The following FAM114A2 variants were observed in gnomAD, a reference collection of about 807,000 sequenced individuals.
FAM114A2 encodes the protein family with sequence similarity 114 member A2.
Under a neutral mutation model 58.4 loss-of-function variants are expected in FAM114A2, and 53 were observed. That is an observed-to-expected ratio of 0.91 (90% CI 0.73 to 1.14). FAM114A2 has a LOEUF of 1.14. FAM114A2 is among the 50% of genes most tolerant of loss of function. The probability of loss-of-function intolerance (pLI) is 0.00; values close to 1 mark genes in which losing one functional copy is unlikely to be tolerated. For synonymous variants in FAM114A2, 228 were observed against 211.4 expected, an observed-to-expected ratio of 1.08 and a Z score of -0.68; for missense variants, 601 against 581.1, an observed-to-expected ratio of 1.03 and a Z score of -0.35.
chr5:154,030,396 C>CTGGT (rs1394489237), intron 4 of FAM114A2, among the ~76,000 whole-genome samples: 1 of 152,126 alleles, frequency 6.6e-6, no homozygotes, highest in Non-Finnish European at 1.5e-5. Flanking sequence ...GATGGATTAA[C>CTGGT]TGGTATTAGA....
At position 153,991,502 on chromosome 5, in the gene FAM114A2, A is replaced by C. The variant is rs1443480772; in HGVS notation, c.*1474T>G. On this transcript the variant is annotated 3_prime_UTR_variant, in exon 14 of 14. Coordinates refer to ENST00000351797, the MANE Select transcript of FAM114A2 (RefSeq NM_018691.4). ...GCTGGAAAGGGTGAAATTTGTCTTTAAAAAGGAATATTCAAAAACTTTCTG... is the reference window on the plus strand; with the variant it reads ...GCTGGAAAGGGTGAAATTTGTCTTTCAAAAGGAATATTCAAAAACTTTCTG... 1 of 152,202 alleles carries C rather than the reference A, an allele frequency of 6.6e-6. No homozygotes were observed. Among genetic ancestry groups the C allele is most frequent in the Non-Finnish European group, 1.5e-5 (1 of 68,032 alleles). 9.4% of individuals were successfully genotyped at this position (152,202 alleles called of 1,614,324 possible). A position where few individuals can be genotyped will look rare whatever the true frequency, so the allele number is the denominator to read the frequency against.
At chr5:153,995,176 C>T (rs1769476839) in intron 12 of FAM114A2, 2 of 512,470 alleles carry the variant, frequency 3.9e-6, no homozygotes, top group African/African-American at 1.9e-5. Flanking sequence ...TCTGTGCTAT[C>T]CATATTGACA....
chr5:154,003,569 T>C (rs1194136544), intron 9 of FAM114A2, among the ~76,000 whole-genome samples: 1 of 152,170 alleles, frequency 6.6e-6, no homozygotes, highest in South Asian at 2.1e-4. Flanking sequence ...TATGTGTATA[T>C]GCCTACGAAA....
At chr5:154,012,794 T>C (rs2113332262) in intron 8 of FAM114A2, among the ~76,000 whole-genome samples, 1 of 152,310 alleles carries the variant, frequency 6.6e-6, no homozygotes, top group East Asian at 1.9e-4. Flanking sequence ...TTTTCTCAAG[T>C]AATTTATAAT....
At chr5:154,003,302 C>A (rs1385115275) in intron 9 of FAM114A2, among the ~76,000 whole-genome samples, 1 of 151,878 alleles carries the variant, frequency 6.6e-6, no homozygotes, top group African/African-American at 2.4e-5. Context: ...CCTTAGCCTC[C>A]CGAGTAGCTG....
intron 8 of FAM114A2, among the ~76,000 whole-genome samples, chr5:154,016,924 G>T (rs1561559082): frequency 6.6e-6 from 1 of 152,144 alleles, no homozygotes. Context: ...TAAGGTAAAG[G>T]GGTGGAAAAA....
chr5:154,009,176 G>C (rs1332034521), intron 9 of FAM114A2, among the ~76,000 whole-genome samples: 1 of 152,164 alleles, frequency 6.6e-6, no homozygotes, highest in African/African-American at 2.4e-5. Context: ...TCAAAGAAAT[G>C]TCTGGTTGCA....
At chr5:154,037,949 T>A (rs1322780036) in intron 1 of FAM114A2, among the ~76,000 whole-genome samples, 1 of 152,186 alleles carries the variant, frequency 6.6e-6, no homozygotes, top group Non-Finnish European at 1.5e-5. Flanking sequence ...TTTTTTATGG[T>A]GATGGTTGTT....
intron 8 of FAM114A2, among the ~76,000 whole-genome samples, chr5:154,019,291 G>T (rs1771245888): frequency 6.6e-6 from 1 of 151,882 alleles, no homozygotes; most frequent in Non-Finnish European, 1.5e-5. Flanking sequence ...TTTTACAATA[G>T]CTGCAAAAAA....
At position 154,029,476 on chromosome 5, in the gene FAM114A2, C is replaced by G; in HGVS notation, c.495+13G>C. 1 of 1,503,482 alleles carries G rather than the reference C, an allele frequency of 6.7e-7. No individual in the cohort carries two copies. The highest frequency in any genetic ancestry group is 9.3e-7 in the Non-Finnish European group (1 of 1,080,838). The allele number at this position is 1,503,482 out of a possible 1,614,324, so 93.1% of individuals were successfully genotyped here. ...ATGGAAAGGAACAGACCACCTTGCA[C>G]TTTTTTACTTACTGTGCTCTGAACA... On this transcript the variant is annotated intron_variant, in intron 5 of 13. Coordinates refer to ENST00000351797, the MANE Select transcript of FAM114A2 (RefSeq NM_018691.4).
chr5:154,038,170 G>A (rs1175685522), intron 1 of FAM114A2: 1 of 152,174 alleles, frequency 6.6e-6, no homozygotes, highest in East Asian at 1.9e-4. Context: ...CTCAGTTGGA[G>A]GAGAAAGATT....
chr5:154,033,896 A>G lies in FAM114A2; in HGVS notation c.311-13T>C, dbSNP rs766674569. 2.6e-6 allele frequency: 4 copies of G among 1,562,572 alleles called. No homozygotes were observed. Among genetic ancestry groups the G allele is most frequent in the South Asian group, 1.2e-5 (1 of 85,786 alleles). ...GAAATGCCTTGTCCTAATGAGAAAA[A>G]TAACTTTTTTTTTTGCTATTTGTCA... On this transcript the variant is annotated splice_polypyrimidine_tract_variant and intron_variant, in intron 3 of 13. Transcript: ENST00000351797.
chr5:154,011,944 A>G (rs1290639981), intron 8 of FAM114A2, among the ~76,000 whole-genome samples: 1 of 152,210 alleles, frequency 6.6e-6, no homozygotes, highest in Non-Finnish European at 1.5e-5. Flanking sequence ...AAGGCCATAT[A>G]ATCGATGGTG....
chr5:153,996,600 A>T (rs565087448), intron 12 of FAM114A2, among the ~76,000 whole-genome samples: 1 of 152,172 alleles, frequency 6.6e-6, no homozygotes. Context: ...CCTACAAGTA[A>T]TAATAAAAAC....
chr5:153,998,116 A>G lies in FAM114A2; in HGVS notation c.1257-241T>C, dbSNP rs78302324. Among the ~76,000 whole-genome samples, 977 of 152,310 alleles carry G rather than the reference A, an allele frequency of 6.4e-3. 36 individuals are homozygous for G. The East Asian group carries it at 0.12, about 18-fold the overall frequency. On this transcript the variant is annotated intron_variant, in intron 11 of 13. Coordinates refer to ENST00000351797, the MANE Select transcript of FAM114A2 (RefSeq NM_018691.4). ...AAAAAATTCCAGAAATAAATAATTC[A>G]TAAGTTTTTAATTGCACATCATCTT... is the stretch of plus-strand genomic sequence containing the variant.
At chr5:154,030,614 T>C (rs998131901) in intron 4 of FAM114A2, among the ~76,000 whole-genome samples, 2 of 152,148 alleles carry the variant, frequency 1.3e-5, no homozygotes, top group South Asian at 2.1e-4. Context: ...GGCAATCAGT[T>C]TGAGTGGAAG....
In FAM114A2 at chr5:154,011,888, G is replaced by A. The variant is rs75164861; in HGVS notation, c.914-568C>T. 3.3e-4 allele frequency among the ~76,000 whole-genome samples: 50 copies of A among 152,280 alleles called. No individual in the cohort carries two copies. The East Asian group carries it at 8.7e-3, about 26-fold the overall frequency. On this transcript the variant is annotated intron_variant, in intron 8 of 13. Transcript: ENST00000351797. ...TTTAATATGATTGAGAATATCTAAC[G>A]TAAGGGGGAGAAGTGGTAAGCTAGA...
chr5:154,024,917 A>G (rs1771677562), intron 8 of FAM114A2, among the ~76,000 whole-genome samples: 1 of 152,200 alleles, frequency 6.6e-6, no homozygotes. Flanking sequence ...GAAGCTGTCA[A>G]GCTCACCACA....
chr5:154,026,371 C>A (rs1241222559), intron 8 of FAM114A2, 28 bp downstream of exon 8: 3 of 1,516,942 alleles, frequency 2.0e-6, no homozygotes, highest in African/African-American at 1.4e-5. Context: ...TGCATCCTCT[C>A]CACTCAGATA....
Sources: gnomAD v4.1 joint callset for allele counts (sites outside exome capture counted in the v4.1 genomes callset) on GRCh38, gnomAD v4.1.1 for gene constraint, MANE v1.5 for transcripts, NCBI Gene and HGNC (gene_info 2026-07-23, HGNC 2026-07-21) for gene names.